Variants in NCKAP5 observed in about 807,000 individuals in gnomAD.
The protein encoded by NCKAP5 is nck-associated protein 5.
Under a neutral mutation model 167.0 loss-of-function variants are expected in NCKAP5, and 92 were observed. The ratio of observed to expected loss-of-function variants is 0.55; its 90% CI spans 0.47 to 0.66. NCKAP5 has a LOEUF of 0.66. NCKAP5 is among the 30% of genes least tolerant of loss of function. The pLI is 0.00. For missense variants in NCKAP5, 2,378 were observed against 2,315.0 expected (o/e 1.03, Z -0.56); for synonymous variants, 891 against 877.4 (o/e 1.02, Z -0.27).
intron 19 of NCKAP5, among the ~76,000 whole-genome samples, chr2:132,687,712 A>AACACACACACACACACAC (rs3069016): frequency 9.9e-5 from 13 of 131,660 alleles, no homozygotes; most frequent in Middle Eastern, 3.8e-3. Context: ...CACCTACCTA[A>AACACACACACACACACAC]ACACACACAC....
chr2:133,575,943 T>C, the NCKAP5 span, among the ~76,000 whole-genome samples: 20 of 152,188 alleles, frequency 1.3e-4, no homozygotes, highest in Admixed American at 2.6e-4. Context: ...AGCCAGACTG[T>C]GGTCACCTTG....
rs374454860 is a variant in NCKAP5, at chr2:132,712,576, C to T, written c.5713+13051G>A. Reference sequence around the variant, plus strand: ...CTGAGGCAGGAGAATGGCGTGAACCCGGAAGGCGGAGCTTGCAGTGAGCAG... The same window carrying T: ...CTGAGGCAGGAGAATGGCGTGAACCTGGAAGGCGGAGCTTGCAGTGAGCAG... On this transcript the variant is annotated intron_variant, in intron 19 of 19. Coordinates refer to ENST00000409261, the MANE Select transcript of NCKAP5 (RefSeq NM_207363.3). Among the ~76,000 whole-genome samples the T allele has an allele frequency of 2.7e-4, 41 of 152,132 alleles. No homozygotes were observed. The South Asian group carries it at 4.2e-3, about 15-fold the overall frequency.
At chr2:133,600,204 C>T in the NCKAP5 span, among the ~76,000 whole-genome samples, 1 of 152,220 alleles carries the variant, frequency 6.6e-6, no homozygotes, top group Admixed American at 6.5e-5. Flanking sequence ...CTTAATTCAG[C>T]TCCTGGAATC....
intron 8 of NCKAP5, among the ~76,000 whole-genome samples, chr2:132,920,771 G>GTATGTATGTATGTGTATATATATATATA (rs1553479343): frequency 1.9e-4 from 6 of 31,580 alleles, no homozygotes; most frequent in African/African-American, 6.6e-4. Flanking sequence ...ATATATGTAT[G>GTATGTATGTATGTGTATATATATATATA]TATATATATA....
the NCKAP5 span, among the ~76,000 whole-genome samples, chr2:133,661,240 A>T: frequency 6.6e-6 from 1 of 152,156 alleles, no homozygotes; most frequent in African/African-American, 2.4e-5. Flanking sequence ...GACAAGGATC[A>T]CTGTGGAGCA....
At chr2:132,767,687 A>G (rs1221497708) in intron 16 of NCKAP5, among the ~76,000 whole-genome samples, 1 of 152,214 alleles carries the variant, frequency 6.6e-6, no homozygotes, top group African/African-American at 2.4e-5. Context: ...CTAGGAGAGG[A>G]TAAGGAATAA....
At chr2:132,786,785 A>G (rs1308667288) in intron 13 of NCKAP5, among the ~76,000 whole-genome samples, 1 of 152,204 alleles carries the variant, frequency 6.6e-6, no homozygotes, top group African/African-American at 2.4e-5. Context: ...ACATAGAAAG[A>G]GCTGGAGCAA....
At chr2:133,000,366 G>T (rs2077737521) in intron 6 of NCKAP5, among the ~76,000 whole-genome samples, 1 of 152,042 alleles carries the variant, frequency 6.6e-6, no homozygotes, top group Admixed American at 6.6e-5. Flanking sequence ...CTTACCCTAG[G>T]CTTCCCTCCT....
chr2:133,233,374 A>G (rs1166056662), intron 4 of NCKAP5, among the ~76,000 whole-genome samples: 1 of 152,174 alleles, frequency 6.6e-6, no homozygotes, highest in Non-Finnish European at 1.5e-5. Flanking sequence ...CTAACTCTAT[A>G]AAGTTATGTT....
At chr2:133,599,981 G>A in the NCKAP5 span, among the ~76,000 whole-genome samples, 1 of 152,240 alleles carries the variant, frequency 6.6e-6, no homozygotes, top group African/African-American at 2.4e-5. Flanking sequence ...TTTCTGAAGA[G>A]CTGGGACTAG....
At chr2:133,594,647 T>C in the NCKAP5 span, among the ~76,000 whole-genome samples, 1 of 152,334 alleles carries the variant, frequency 6.6e-6, no homozygotes, top group African/African-American at 2.4e-5. Context: ...ACCCCTGCTT[T>C]CTCATCTACA....
chr2:132,971,631 A>G (rs1449277661), intron 7 of NCKAP5, among the ~76,000 whole-genome samples: 1 of 152,214 alleles, frequency 6.6e-6, no homozygotes, highest in African/African-American at 2.4e-5. Context: ...TGAAGGAACC[A>G]TTATTAAAAC....
At chr2:133,395,822 T>C (rs1166076600) in intron 3 of NCKAP5, among the ~76,000 whole-genome samples, 1 of 152,162 alleles carries the variant, frequency 6.6e-6, no homozygotes, top group Non-Finnish European at 1.5e-5. Flanking sequence ...TTTTAAATTT[T>C]TTTTGTAGAG....
At chr2:132,796,811 A>C in intron 11 of NCKAP5, 82 bp from the exon 12 acceptor site, 317 of 938,344 alleles carry the variant, frequency 3.4e-4, no homozygotes, top group Non-Finnish European at 4.5e-4. Context: ...GTTAAATCTC[A>C]AAAGACTTGA....
At position 132,890,698 on chromosome 2, in the gene NCKAP5, C is replaced by T. The variant is rs149278586; in HGVS notation, c.580-11782G>A. 1.6e-3 allele frequency among the ~76,000 whole-genome samples: 239 copies of T among 152,232 alleles called. 1 individual carries two copies. Among genetic ancestry groups the T allele is most frequent in the Non-Finnish European group, 2.4e-3 (161 of 68,004 alleles). On this transcript the variant is annotated intron_variant, in intron 8 of 19. Transcript: ENST00000409261. ...CCTCTATGATTATAATTCAAACTTA[C>T]GGGGTTTCTGAATCACTCATCTTAT...
At chr2:133,624,734 C>T in the NCKAP5 span, among the ~76,000 whole-genome samples, 3 of 152,192 alleles carry the variant, frequency 2.0e-5, no homozygotes, top group Non-Finnish European at 2.9e-5. Context: ...GAACCATTTC[C>T]TGCCCTAACA....
chr2:133,344,808 T>C (rs970264242), intron 3 of NCKAP5, among the ~76,000 whole-genome samples: 15 of 152,136 alleles, frequency 9.9e-5, no homozygotes, highest in African/African-American at 3.6e-4. Context: ...AGGCAAAAGT[T>C]TGTGTAGAGG....
chr2:132,815,362 T>C (rs1203782889), intron 11 of NCKAP5, among the ~76,000 whole-genome samples: 1 of 152,208 alleles, frequency 6.6e-6, no homozygotes, highest in Non-Finnish European at 1.5e-5. Context: ...GAAGTTCAGA[T>C]TCCCAAGACT....
At chr2:133,078,981 T>TCTTA (rs1287758491) in intron 6 of NCKAP5, among the ~76,000 whole-genome samples, 3 of 152,180 alleles carry the variant, frequency 2.0e-5, no homozygotes, top group Non-Finnish European at 4.4e-5. Flanking sequence ...GGAACGAGGC[T>TCTTA]CTTAGTAACT....
Sources: gnomAD v4.1 joint callset for allele counts (sites outside exome capture counted in the v4.1 genomes callset) on GRCh38, gnomAD v4.1.1 for gene constraint, MANE v1.5 for transcripts, NCBI Gene and HGNC (gene_info 2026-07-23, HGNC 2026-07-21) for gene names.